The following RAD17 variants were observed in gnomAD, a reference collection of about 807,000 sequenced individuals.
RAD17 encodes RAD17 checkpoint clamp loader component, also known as cell cycle checkpoint protein RAD17.
Under a neutral mutation model 81.5 loss-of-function variants are expected in RAD17, and 31 were observed. That is an observed-to-expected ratio of 0.38 (90% CI 0.29 to 0.51). The LOEUF (loss-of-function observed/expected upper bound fraction) is 0.51. Ranked by LOEUF, RAD17 falls within the 20% of genes least tolerant of loss-of-function variation. The pLI is 0.88. For synonymous variants in RAD17, 261 were observed against 266.2 expected, an observed-to-expected ratio of 0.98 and a Z score of 0.19; for missense variants, 681 against 781.2, an observed-to-expected ratio of 0.87 and a Z score of 1.53.
At position 69,378,732 on chromosome 5, in the gene RAD17, G is replaced by T. The variant is rs78332790; in HGVS notation, c.352-3169G>T. The stretch of plus-strand genomic sequence containing the variant: ...CAGTCATGCTTCAATTAATGATGGG[G>T]ATACATTCTGGGAAATGTGTCATTA... On this transcript the variant is annotated intron_variant, in intron 6 of 18. Coordinates refer to ENST00000354868, the MANE Select transcript of RAD17 (RefSeq NM_133338.3). Among the ~76,000 whole-genome samples, 1,065 of 152,202 alleles carry T rather than the reference G, an allele frequency of 7.0e-3. 16 individuals carry two copies. Among genetic ancestry groups the T allele is most frequent in the African/African-American group, 0.024 (1,015 of 41,524 alleles).
intron 12 of RAD17, among the ~76,000 whole-genome samples, chr5:69,390,775 C>T (rs996864994): frequency 6.7e-6 from 1 of 150,120 alleles, no homozygotes; most frequent in Non-Finnish European, 1.5e-5. Flanking sequence ...GGCAACATAG[C>T]GAGGCCTCGT....
intron 6 of RAD17, among the ~76,000 whole-genome samples, chr5:69,380,339 G>A (rs1281897323): frequency 1.3e-5 from 2 of 152,170 alleles, no homozygotes; most frequent in Non-Finnish European, 2.9e-5. Flanking sequence ...GTAGGTGTGT[G>A]TACACCAGCA....
chr5:69,410,965 C>CTATATATA (rs1554044686), intron 18 of RAD17, among the ~76,000 whole-genome samples: 5,235 of 89,858 alleles, frequency 0.058, 325 homozygotes, highest in African/African-American at 0.11. Context: ...AGATGTCTGT[C>CTATATATA]TATATATATA....
chr5:69,402,148 A>G (rs1490416773), intron 17 of RAD17, among the ~76,000 whole-genome samples: 2 of 150,656 alleles, frequency 1.3e-5, no homozygotes, highest in Non-Finnish European at 3.0e-5. Flanking sequence ...CCCAGGTTCA[A>G]GCGATTCTCC....
At chr5:69,392,727 CT>C in intron 13 of RAD17, 1 of 423,572 alleles carries the variant, frequency 2.4e-6, no homozygotes, top group Non-Finnish European at 4.7e-6. Context: ...TCTTTCTCTC[CT>C]TTCTTTTCCT....
intron 17 of RAD17, among the ~76,000 whole-genome samples, chr5:69,408,023 GT>G (rs1765737627): frequency 6.6e-6 from 1 of 152,006 alleles, no homozygotes; most frequent in Non-Finnish European, 1.5e-5. Flanking sequence ...TTACAGCTTT[GT>G]TTACTACTTT....
chr5:69,383,386 AT>A (rs1561246943), intron 7 of RAD17, among the ~76,000 whole-genome samples: 1 of 150,072 alleles, frequency 6.7e-6, no homozygotes, highest in Non-Finnish European at 1.5e-5. Context: ...TATTACTATT[AT>A]TATTATTTTT....
rs1464599833 is a variant in RAD17, at chr5:69,386,161, C to G, written c.699-19C>G. ...AGAAGTGGCTTAAATTTCAACATTGCTGTATTTTGTTATTTTAGGAAGTAT... is the reference window on the plus strand; with the variant it reads ...AGAAGTGGCTTAAATTTCAACATTGGTGTATTTTGTTATTTTAGGAAGTAT... On this transcript the variant is annotated intron_variant, in intron 9 of 18. Coordinates refer to ENST00000354868, the MANE Select transcript of RAD17 (RefSeq NM_133338.3). 1 of 1,599,614 alleles carries G rather than the reference C, an allele frequency of 6.3e-7. No homozygotes were observed. The highest frequency in any genetic ancestry group is 8.5e-7 in the Non-Finnish European group (1 of 1,173,752).
At chr5:69,402,376 T>G (rs1765326387) in intron 17 of RAD17, among the ~76,000 whole-genome samples, 1 of 151,786 alleles carries the variant, frequency 6.6e-6, no homozygotes, top group Non-Finnish European at 1.5e-5. Flanking sequence ...TATTTTGAAA[T>G]TATTTCAGGC....
chr5:69,383,091 C>T (rs1040204542), intron 7 of RAD17, among the ~76,000 whole-genome samples: 1 of 151,960 alleles, frequency 6.6e-6, no homozygotes, highest in Non-Finnish European at 1.5e-5. Flanking sequence ...GCAATAGTAC[C>T]AATTTAAAGA....
At chr5:69,369,734 G>A (rs1762799807), upstream of RAD17, 2 of 1,541,614 alleles carry the variant, frequency 1.3e-6, no homozygotes, top group South Asian at 1.2e-5. Context: ...GTCAGGCAGT[G>A]CGCTGGATGC....
chr5:69,380,981 C>T (rs1015039304), intron 6 of RAD17, among the ~76,000 whole-genome samples: 2 of 151,830 alleles, frequency 1.3e-5, no homozygotes, highest in Non-Finnish European at 2.9e-5. Flanking sequence ...GTTGACTAGG[C>T]TGGTCTCAGA....
chr5:69,393,306 G>T, intron 14 of RAD17, 48 bp from the exon 15 acceptor site: 2 of 1,567,008 alleles, frequency 1.3e-6, no homozygotes, highest in South Asian at 2.3e-5. Context: ...ATATATATTT[G>T]ACCATTGCAT....
chr5:69,373,732 T>A, intron 4 of RAD17, 98 bp from the exon 5 acceptor site: 30 of 626,218 alleles, frequency 4.8e-5, no homozygotes, highest in Non-Finnish European at 6.7e-5. Context: ...TTAAAGGTTA[T>A]AAATATATGA....
At chr5:69,377,415 G>GTA (rs145604902) in intron 6 of RAD17, among the ~76,000 whole-genome samples, 38,992 of 92,892 alleles carry the variant, frequency 0.42, 8,496 homozygotes, top group South Asian at 0.47. Flanking sequence ...ATAAACTTAG[G>GTA]TATATGTGTG....
chr5:69,390,512 T>G (rs913810894), intron 12 of RAD17, among the ~76,000 whole-genome samples: 3 of 151,868 alleles, frequency 2.0e-5, no homozygotes, highest in African/African-American at 7.3e-5. Context: ...TGTGATCACA[T>G]GCATATTCAT....
intron 18 of RAD17, 116 bp from the exon 19 acceptor site, chr5:69,413,911 ACTAG>A (rs1383946816): frequency 8.2e-7 from 1 of 1,212,410 alleles, no homozygotes; most frequent in East Asian, 2.3e-5. Context: ...AGTTAAAGGG[ACTAG>A]CTAAACAGCA....
chr5:69,390,311 C>G (rs1399385188), intron 12 of RAD17, among the ~76,000 whole-genome samples: 1 of 152,052 alleles, frequency 6.6e-6, no homozygotes, highest in Admixed American at 6.6e-5. Flanking sequence ...TTCAAGGTAG[C>G]TTTTAAGCCA....
At chr5:69,412,985 A>T (rs1163323285) in intron 18 of RAD17, among the ~76,000 whole-genome samples, 1 of 5,828 alleles carries the variant, frequency 1.7e-4, no homozygotes, top group East Asian at 0.015. Flanking sequence ...AGACTGTCTC[A>T]AAAAAAAAAA....
Sources: allele counts gnomAD v4.1 joint callset (sites outside exome capture counted in the v4.1 genomes callset), GRCh38; gene constraint gnomAD v4.1.1; transcripts MANE v1.5; gene names NCBI Gene and HGNC (gene_info 2026-07-23, HGNC 2026-07-21).